TBC1D22B: variants seen among roughly 807,000 people sequenced by gnomAD.
TBC1D22B encodes the protein chromosome 6 open reading frame 197.
A neutral mutation model predicts 69.1 loss-of-function variants in TBC1D22B; 32 were observed. The observed-to-expected ratio is 0.46, with a 90% CI of 0.35 to 0.62. The LOEUF is 0.62. Ranked by LOEUF, TBC1D22B falls within the 20% of genes least tolerant of loss-of-function variation. The pLI is 0.00. For missense variants in TBC1D22B, 462 were observed against 630.9 expected (o/e 0.73, Z 2.87); for synonymous variants, 206 against 229.8 (o/e 0.90, Z 0.94).
chr6:37,290,979 G>A (rs2113752440), intron 7 of TBC1D22B, among the ~76,000 whole-genome samples: 1 of 152,296 alleles, frequency 6.6e-6, no homozygotes, highest in South Asian at 2.1e-4. Context: ...TGGGTTTGCT[G>A]TTCTTTCCTT....
rs1238457779 is a variant in TBC1D22B at position 37,331,637 on chromosome 6, T to G, written c.*465T>G. On this transcript the variant is annotated 3_prime_UTR_variant, in exon 13 of 13. Coordinates refer to ENST00000373491, the MANE Select transcript of TBC1D22B (RefSeq NM_017772.4). Reference sequence around the variant, plus strand: ...CCTGGTTTCCTAGCCGTTCCCCTTCTGCCCCAGTCTGAGCCAGTGAGGGGT... The same window carrying G: ...CCTGGTTTCCTAGCCGTTCCCCTTCGGCCCCAGTCTGAGCCAGTGAGGGGT... 4 of 153,502 alleles carry G rather than the reference T, an allele frequency of 2.6e-5. No individual in the cohort carries two copies. The highest frequency in any genetic ancestry group is 9.7e-5 in the African/African-American group (4 of 41,428). 9.5% of individuals were successfully genotyped at this position (153,502 alleles called of 1,614,324 possible). A position where few individuals can be genotyped will look rare whatever the true frequency, so the allele number is the denominator to read the frequency against.
At chr6:37,291,646 A>G (rs1767187806) in intron 8 of TBC1D22B, among the ~76,000 whole-genome samples, 2 of 152,138 alleles carry the variant, frequency 1.3e-5, no homozygotes, top group Non-Finnish European at 2.9e-5. Context: ...ATTATTTTGA[A>G]CTTGTTTCCG....
At chr6:37,311,672 C>CA (rs1387990953) in intron 8 of TBC1D22B, among the ~76,000 whole-genome samples, 2 of 148,158 alleles carry the variant, frequency 1.3e-5, no homozygotes, top group Non-Finnish European at 3.0e-5. Context: ...GACCCTGTCT[C>CA]AAAAAAAAGA....
At chr6:37,330,005 A>C (rs1450230708) in intron 12 of TBC1D22B, among the ~76,000 whole-genome samples, 1 of 152,206 alleles carries the variant, frequency 6.6e-6, no homozygotes, top group Non-Finnish European at 1.5e-5. Context: ...TGAGAACTGC[A>C]GAATGCTGCT....
intron 6 of TBC1D22B, among the ~76,000 whole-genome samples, chr6:37,285,395 G>A (rs1338656534): frequency 8.2e-6 from 1 of 122,616 alleles, no homozygotes; most frequent in African/African-American, 3.1e-5. Flanking sequence ...CGTGATCTTG[G>A]CTCACTGCAG....
chr6:37,298,411 T>C (rs1767454799), intron 8 of TBC1D22B, among the ~76,000 whole-genome samples: 1 of 152,282 alleles, frequency 6.6e-6, no homozygotes, highest in South Asian at 2.1e-4. Context: ...AAAAATATCA[T>C]ATAGCAAGCT....
chr6:37,315,434 G>A (rs1307125065), intron 10 of TBC1D22B, among the ~76,000 whole-genome samples: 1 of 151,952 alleles, frequency 6.6e-6, no homozygotes, highest in Non-Finnish European at 1.5e-5. Flanking sequence ...GCACACGACT[G>A]TAGTCCCAGC....
chr6:37,313,730 C>T (rs990342328), intron 9 of TBC1D22B, 86 bp from the exon 10 acceptor site: 3 of 1,326,706 alleles, frequency 2.3e-6, no homozygotes, highest in Non-Finnish European at 3.3e-6. Flanking sequence ...GGAAAATGGC[C>T]TGAACTTCTA....
At chr6:37,281,475 T>C (rs1249681625) in intron 3 of TBC1D22B, among the ~76,000 whole-genome samples, 1 of 152,202 alleles carries the variant, frequency 6.6e-6, no homozygotes, top group Non-Finnish European at 1.5e-5. Flanking sequence ...AACTGGTTGA[T>C]TTTGGTGGGA....
chr6:37,298,040 T>C (rs1459584251), intron 8 of TBC1D22B, among the ~76,000 whole-genome samples: 1 of 152,058 alleles, frequency 6.6e-6, no homozygotes, highest in Non-Finnish European at 1.5e-5. Context: ...CACCAGGGCC[T>C]GTTAGGGGTT....
chr6:37,283,709 CAG>C, intron 5 of TBC1D22B, among the ~76,000 whole-genome samples: 1 of 152,118 alleles, frequency 6.6e-6, no homozygotes, highest in Admixed American at 6.5e-5. Flanking sequence ...GGAAGGGGAA[CAG>C]AAAATATAAG....
chr6:37,272,246 G>C (rs1766509839), intron 2 of TBC1D22B, among the ~76,000 whole-genome samples: 1 of 151,794 alleles, frequency 6.6e-6, no homozygotes, highest in Non-Finnish European at 1.5e-5. Context: ...TGTACTTTTT[G>C]TAGAGACACG....
chr6:37,278,573 C>A lies in TBC1D22B; in HGVS notation c.114-731C>A, dbSNP rs1265352347. On this transcript the variant is annotated intron_variant, in intron 2 of 12. Transcript: ENST00000373491. The stretch of plus-strand genomic sequence containing the variant: ...CCTCGACATAGTTACTGCTGCTCCA[C>A]ATAGCCACTCAGTTACCTAGGCTGA... Among the ~76,000 whole-genome samples the A allele has an allele frequency of 2.6e-5, 4 of 152,120 alleles. No individual in the cohort carries two copies. In the East Asian group the frequency reaches 5.8e-4, roughly 22 times the overall value.
intron 1 of TBC1D22B, among the ~76,000 whole-genome samples, chr6:37,261,207 G>A (rs559925846): frequency 4.9e-4 from 75 of 152,066 alleles, no homozygotes; most frequent in Middle Eastern, 3.4e-3. Flanking sequence ...TGAGGCAGGT[G>A]GATCGCTTGA....
intron 2 of TBC1D22B, among the ~76,000 whole-genome samples, chr6:37,273,288 A>G (rs1417209234): frequency 6.6e-6 from 1 of 151,820 alleles, no homozygotes; most frequent in East Asian, 1.9e-4. Context: ...GTTACATGTA[A>G]CCACAACCAT....
intron 8 of TBC1D22B, among the ~76,000 whole-genome samples, chr6:37,299,646 GCAGCTTCTCCT>G (rs1263823340): frequency 6.6e-6 from 1 of 152,180 alleles, no homozygotes; most frequent in Non-Finnish European, 1.5e-5. Flanking sequence ...TCTGAGGGAA[GCAGCTTCTCCT>G]TTAGGGTTTT....
At chr6:37,329,627 C>T (rs1768526132) in intron 12 of TBC1D22B, among the ~76,000 whole-genome samples, 1 of 152,174 alleles carries the variant, frequency 6.6e-6, no homozygotes, top group South Asian at 2.1e-4. Context: ...TGGCTTAAAA[C>T]AAGAGAGTTG....
chr6:37,322,211 C>G (rs952362776), intron 12 of TBC1D22B, among the ~76,000 whole-genome samples: 4 of 152,144 alleles, frequency 2.6e-5, no homozygotes, highest in Admixed American at 6.5e-5. Flanking sequence ...GGAGGCCTGT[C>G]AGGGCCTCCT....
chr6:37,259,311 G>T (rs1354360422), intron 1 of TBC1D22B, among the ~76,000 whole-genome samples: 2 of 152,198 alleles, frequency 1.3e-5, no homozygotes, highest in Non-Finnish European at 1.5e-5. Flanking sequence ...TACTGTTAAA[G>T]ATGTTCTGTG....
Sources: gnomAD v4.1 joint callset for allele counts (sites outside exome capture counted in the v4.1 genomes callset) on GRCh38, gnomAD v4.1.1 for gene constraint, MANE v1.5 for transcripts, NCBI Gene and HGNC (gene_info 2026-07-23, HGNC 2026-07-21) for gene names.